Variants in GRM8 observed in about 807,000 individuals in gnomAD.
GRM8 encodes metabotropic glutamate receptor 8.
A neutral mutation model predicts 87.2 loss-of-function variants in GRM8; 47 were observed. The ratio of observed to expected loss-of-function variants is 0.54; its 90% CI spans 0.43 to 0.69. The LOEUF (loss-of-function observed/expected upper bound fraction) is 0.69, where lower values mean the gene tolerates loss of function less well. Ranked by LOEUF, GRM8 falls within the 30% of genes least tolerant of loss-of-function variation. The pLI is 0.00. For missense variants in GRM8, 1,019 were observed against 1,139.2 expected, an observed-to-expected ratio of 0.89 and a Z score of 1.52; for synonymous variants, 396 against 404.5, an observed-to-expected ratio of 0.98 and a Z score of 0.25.
intron 8 of GRM8, among the ~76,000 whole-genome samples, chr7:126,577,093 C>T (rs895045427): frequency 1.9e-4 from 29 of 152,168 alleles, no homozygotes; most frequent in African/African-American, 6.3e-4. Context: ...CCAAACTTGG[C>T]CATCAATTCC....
At chr7:127,032,537 A>G (rs1293862861) in intron 3 of GRM8, among the ~76,000 whole-genome samples, 1 of 152,176 alleles carries the variant, frequency 6.6e-6, no homozygotes, top group African/African-American at 2.4e-5. Flanking sequence ...CTCCTTATAG[A>G]AAATTGAAGC....
chr7:126,719,903 T>C (rs888789971), intron 7 of GRM8, among the ~76,000 whole-genome samples: 1 of 151,728 alleles, frequency 6.6e-6, no homozygotes, highest in Non-Finnish European at 1.5e-5. Context: ...TAGCAAGTTC[T>C]ATATTTTTTC....
chr7:126,858,267 A>G (rs1797855297), intron 6 of GRM8, among the ~76,000 whole-genome samples: 1 of 152,184 alleles, frequency 6.6e-6, no homozygotes, highest in African/African-American at 2.4e-5. Flanking sequence ...TTTTCCAAGG[A>G]TCACTGGGAG....
In GRM8 at chr7:127,170,345, T is replaced by C. The variant is rs577351402; in HGVS notation, c.511-63633A>G. 1.9e-3 allele frequency among the ~76,000 whole-genome samples: 282 copies of C among 152,212 alleles called. 2 individuals are homozygous for C. Among genetic ancestry groups the C allele is most frequent in the Admixed American group, 6.5e-3 (99 of 15,276 alleles). ...ACTCAAAAAATGAAAAAATAATAGATGTTGGCATGGATGTGGTGAAAAGGG... is the reference window on the plus strand; with the variant it reads ...ACTCAAAAAATGAAAAAATAATAGACGTTGGCATGGATGTGGTGAAAAGGG... On this transcript the variant is annotated intron_variant, in intron 2 of 10. Transcript: ENST00000339582.
In GRM8 at chr7:127,243,275, G is replaced by A; in HGVS notation, c.-71C>T. 7.2e-7 allele frequency: 1 copy of A among 1,390,788 alleles called. No homozygotes were observed. Among genetic ancestry groups the A allele is most frequent in the Non-Finnish European group, 9.8e-7 (1 of 1,022,516 alleles). The allele number at this position is 1,390,788 out of a possible 1,614,324, so 86.2% of individuals were successfully genotyped here. A position where few individuals can be genotyped will look rare whatever the true frequency, so the allele number is the denominator to read the frequency against. The stretch of plus-strand genomic sequence containing the variant: ...TGCCACAGAAGAAAGGGCACCACCT[G>A]AGGCTGCACCTTCTGGAGGCTACCA... On this transcript the variant is annotated 5_prime_UTR_variant, in exon 2 of 11. It introduces an in-frame stop codon into an upstream open reading frame of the 5' UTR. Transcript: ENST00000339582.
At chr7:127,024,652 G>T (rs1816600885) in intron 3 of GRM8, among the ~76,000 whole-genome samples, 1 of 151,998 alleles carries the variant, frequency 6.6e-6, no homozygotes, top group Non-Finnish European at 1.5e-5. Context: ...GGCCCACAAG[G>T]TCTCCCAGAA....
chr7:127,137,467 T>C (rs1163151901), intron 2 of GRM8, among the ~76,000 whole-genome samples: 1 of 152,158 alleles, frequency 6.6e-6, no homozygotes, highest in Non-Finnish European at 1.5e-5. Context: ...ACTAATAAAC[T>C]GCTACTTATA....
chr7:127,044,687 G>A (rs1818764352), intron 3 of GRM8, among the ~76,000 whole-genome samples: 1 of 152,192 alleles, frequency 6.6e-6, no homozygotes, highest in Middle Eastern at 3.4e-3. Context: ...GATGGTGTCA[G>A]GCAGGCTGAG....
chr7:126,580,033 T>A (rs1005743853), intron 8 of GRM8, among the ~76,000 whole-genome samples: 2 of 152,154 alleles, frequency 1.3e-5, no homozygotes, highest in Non-Finnish European at 2.9e-5. Flanking sequence ...TTAGTATTTT[T>A]AAATTTTTTT....
chr7:126,539,271 T>C lies in GRM8; in HGVS notation c.1495-5384A>G, dbSNP rs902906459. On this transcript the variant is annotated intron_variant, in intron 8 of 10. Coordinates refer to ENST00000339582, the MANE Select transcript of GRM8 (RefSeq NM_000845.3). The stretch of plus-strand genomic sequence containing the variant: ...TCCAGGAAAAACTACAAAACATCAT[T>C]GAAAAAAAGTGAAAAAAAAAGTATA... 6.6e-5 allele frequency among the ~76,000 whole-genome samples: 10 copies of C among 151,582 alleles called. 1 individual carries two copies. The highest frequency in any genetic ancestry group is 1.5e-4 in the Non-Finnish European group (10 of 67,792).
chr7:126,613,111 A>G (rs2151111314), intron 7 of GRM8, among the ~76,000 whole-genome samples: 1 of 152,254 alleles, frequency 6.6e-6, no homozygotes, highest in Non-Finnish European at 1.5e-5. Flanking sequence ...TTACATATTG[A>G]CTCATTTCAA....
At chr7:126,762,686 T>A (rs1346656706) in intron 7 of GRM8, among the ~76,000 whole-genome samples, 2 of 152,196 alleles carry the variant, frequency 1.3e-5, no homozygotes, top group Middle Eastern at 3.4e-3. Context: ...TAGAGTGATT[T>A]TATACTATAC....
At chr7:126,753,065 A>C (rs966281864) in intron 7 of GRM8, among the ~76,000 whole-genome samples, 2 of 152,056 alleles carry the variant, frequency 1.3e-5, no homozygotes, top group African/African-American at 4.8e-5. Context: ...ATGCAGATTT[A>C]GCAATTTTAA....
chr7:126,881,660 A>C (rs1035454015), intron 6 of GRM8, among the ~76,000 whole-genome samples: 7 of 152,196 alleles, frequency 4.6e-5, no homozygotes, highest in African/African-American at 1.7e-4. Flanking sequence ...TTTCTGAGAT[A>C]TCCCACATTT....
intron 7 of GRM8, among the ~76,000 whole-genome samples, chr7:126,615,242 T>A (rs919802821): frequency 6.6e-6 from 1 of 152,044 alleles, no homozygotes; most frequent in African/African-American, 2.4e-5. Flanking sequence ...AGAAAAGAAT[T>A]TTCAACCCAG....
At chr7:127,238,925 A>G (rs1409046445) in intron 2 of GRM8, among the ~76,000 whole-genome samples, 2 of 152,248 alleles carry the variant, frequency 1.3e-5, no homozygotes, top group African/African-American at 4.8e-5. Flanking sequence ...ATCCCATTTA[A>G]TTCCACAATT....
rs1812184914 is a variant in GRM8, at chr7:126,987,417, T to C, written c.728-82734A>G. Among the ~76,000 whole-genome samples, 4 of 151,802 alleles carry C rather than the reference T, an allele frequency of 2.6e-5. No homozygotes were observed. The South Asian group carries it at 8.3e-4, about 32-fold the overall frequency. Reference sequence around the variant, plus strand: ...TTTGTATATTAAGTGTTACGTTCTTTAAGGACAAGAAGCATATCTTGTTCA... The same window carrying C: ...TTTGTATATTAAGTGTTACGTTCTTCAAGGACAAGAAGCATATCTTGTTCA... On this transcript the variant is annotated intron_variant, in intron 3 of 10. Coordinates refer to ENST00000339582, the MANE Select transcript of GRM8 (RefSeq NM_000845.3).
intron 9 of GRM8, among the ~76,000 whole-genome samples, chr7:126,462,856 C>T (rs117136583): frequency 1.7e-4 from 26 of 151,614 alleles, no homozygotes; most frequent in Non-Finnish European, 3.0e-4. Context: ...ATAAATGTAG[C>T]ATTTTACCAA....
At chr7:127,056,714 A>G (rs182146486) in intron 3 of GRM8, among the ~76,000 whole-genome samples, 5 of 152,360 alleles carry the variant, frequency 3.3e-5, no homozygotes, top group Non-Finnish European at 7.3e-5. Context: ...TGCTTGTTTA[A>G]TGTGTAAACC....
Sources: allele counts gnomAD v4.1 joint callset (sites outside exome capture counted in the v4.1 genomes callset), GRCh38; gene constraint gnomAD v4.1.1; transcripts MANE v1.5; gene names NCBI Gene and HGNC (gene_info 2026-07-23, HGNC 2026-07-21).